Variants in DZANK1 observed in about 807,000 individuals in gnomAD.
DZANK1 encodes double zinc ribbon and ankyrin repeat domains 1, also known as double zinc ribbon and ankyrin repeat-containing protein 1.
In DZANK1, 91 loss-of-function variants were observed where a neutral mutation model predicts 94.5. The observed-to-expected ratio is 0.96, with a 90% CI of 0.81 to 1.15. The LOEUF (loss-of-function observed/expected upper bound fraction) is 1.15, where lower values mean the gene tolerates loss of function less well. DZANK1 is among the 50% of genes most tolerant of loss of function. The pLI is 0.00. For synonymous variants in DZANK1, 312 were observed against 325.3 expected (o/e 0.96, Z 0.44); for missense variants, 903 against 916.4 (o/e 0.99, Z 0.19).
intron 10 of DZANK1, among the ~76,000 whole-genome samples, chr20:18,417,034 CAA>C (rs55889297): frequency 1.4e-5 from 2 of 139,930 alleles, no homozygotes; most frequent in African/African-American, 5.3e-5. Flanking sequence ...CAAAAAAAAA[CAA>C]AAAAAAAAAA....
chr20:18,437,613 AAAG>A (rs1403578033), intron 8 of DZANK1, among the ~76,000 whole-genome samples: 4 of 150,600 alleles, frequency 2.7e-5, no homozygotes, highest in Admixed American at 1.3e-4. Flanking sequence ...AAGAAAAGAA[AAAG>A]AAAGAGGAAA....
At chr20:18,465,129 A>C in intron 2 of DZANK1, 121 bp downstream of exon 2, 1 of 646,496 alleles carries the variant, frequency 1.5e-6, no homozygotes, top group Non-Finnish European at 2.6e-6. Context: ...GAAGTTTTAC[A>C]AATTTCCCAA....
intron 12 of DZANK1, chr20:18,413,063 T>C (rs2057333088): frequency 5.0e-6 from 3 of 594,170 alleles, no homozygotes; most frequent in Non-Finnish European, 8.8e-6. Flanking sequence ...CCATTTATTA[T>C]CTAAAAGTCA....
chr20:18,434,647 GAAGTTCCT>G (rs1333418175), intron 8 of DZANK1, among the ~76,000 whole-genome samples: 1 of 150,532 alleles, frequency 6.6e-6, no homozygotes. Context: ...ATAACAAACA[GAAGTTCCT>G]AAAAATGACT....
chr20:18,455,454 T>G (rs2059254393), intron 3 of DZANK1, 93 bp from the exon 4 acceptor site: 1 of 776,014 alleles, frequency 1.3e-6, no homozygotes, highest in East Asian at 2.7e-5. Flanking sequence ...AGTGCCTTAG[T>G]CTAGCTACTA....
rs769972152 is a variant in DZANK1 at position 18,460,341 on chromosome 20, A to G, written c.110-35T>C. 65 of 1,453,020 alleles carry G rather than the reference A, an allele frequency of 4.5e-5. 1 individual carries two copies. The highest frequency in any genetic ancestry group is 5.8e-5 in the Non-Finnish European group (62 of 1,078,172). 90.0% of individuals were successfully genotyped at this position (1,453,020 alleles called of 1,614,324 possible). On this transcript the variant is annotated intron_variant, in intron 2 of 20. Transcript: ENST00000262547. ...CCAAAACAGGATAACTATAATTAAC[A>G]CCAAAGTAGCAAGTCCCTGAATAAT... is the stretch of plus-strand genomic sequence containing the variant.
intron 13 of DZANK1, among the ~76,000 whole-genome samples, chr20:18,401,991 C>T (rs759423018): frequency 2.0e-5 from 3 of 152,112 alleles, no homozygotes; most frequent in Non-Finnish European, 4.4e-5. Flanking sequence ...AGGTCTGATA[C>T]CACATTTATA....
At chr20:18,460,080 GA>G in intron 3 of DZANK1, 72 bp downstream of exon 3, 1 of 1,153,990 alleles carries the variant, frequency 8.7e-7, no homozygotes, top group East Asian at 2.7e-5. Context: ...ATTCTGATAG[GA>G]AAAAATGAAT....
chr20:18,421,040 C>A, intron 10 of DZANK1: 2 of 172,632 alleles, frequency 1.2e-5, no homozygotes, highest in South Asian at 3.0e-4. Context: ...TGGAGCCTGT[C>A]AAGCGTTTCA....
At chr20:18,394,717 A>C (rs1346344053) in intron 15 of DZANK1, 1 of 488,826 alleles carries the variant, frequency 2.0e-6, no homozygotes, top group Non-Finnish European at 4.1e-6. Flanking sequence ...CTCTGCTTAA[A>C]GTCCTTCAAT....
intron 14 of DZANK1, among the ~76,000 whole-genome samples, chr20:18,397,502 G>T (rs1490856046): frequency 6.6e-6 from 1 of 151,804 alleles, no homozygotes; most frequent in African/African-American, 2.4e-5. Flanking sequence ...TCTTGGGCAG[G>T]TCACCAAACC....
At chr20:18,421,881 TC>T (rs1391224938) in intron 10 of DZANK1, among the ~76,000 whole-genome samples, 2 of 152,110 alleles carry the variant, frequency 1.3e-5, no homozygotes, top group Middle Eastern at 3.2e-3. Flanking sequence ...GCAGGACTGC[TC>T]CCTTTGCCCA....
At chr20:18,461,039 A>T (rs1057384885) in intron 2 of DZANK1, among the ~76,000 whole-genome samples, 1 of 152,224 alleles carries the variant, frequency 6.6e-6, no homozygotes, top group Non-Finnish European at 1.5e-5. Context: ...TTGAACCACT[A>T]TGCTCTTTTG....
At chr20:18,443,422 A>C in exon 8 of DZANK1, 1 of 1,520,264 alleles carries the variant, frequency 6.6e-7, no homozygotes, top group Non-Finnish European at 8.8e-7. Flanking sequence ...GACAGAAGCG[A>C]GCAAAGGGAT....
At chr20:18,412,851 G>A (rs1278563592) in intron 12 of DZANK1, 2 of 1,613,404 alleles carry the variant, frequency 1.2e-6, no homozygotes, top group Admixed American at 3.3e-5. Flanking sequence ...AGGCACATCG[G>A]GGCCATGCGT....
chr20:18,453,755 T>C, exon 5 of DZANK1: 1 of 1,612,804 alleles, frequency 6.2e-7, no homozygotes, highest in Non-Finnish European at 8.5e-7. Context: ...AGGTTAACAT[T>C]CCAGCTGCGT....
At position 18,463,915 on chromosome 20, in the gene DZANK1, T is replaced by C. The variant is rs79718130; in HGVS notation, c.109+1335A>G. The stretch of plus-strand genomic sequence containing the variant: ...GGAATTTCAAAGTCTTTTTTACACA[T>C]CTATTTGTTCATATGTTTTACCTGT... On this transcript the variant is annotated intron_variant, in intron 2 of 20. Transcript: ENST00000262547. Among the ~76,000 whole-genome samples, 900 of 152,292 alleles carry C rather than the reference T, an allele frequency of 5.9e-3. 6 individuals are homozygous for C. The highest frequency in any genetic ancestry group is 0.021 in the African/African-American group (870 of 41,560).
At chr20:18,451,595 T>G (rs1333776786) in intron 6 of DZANK1, among the ~76,000 whole-genome samples, 1 of 152,098 alleles carries the variant, frequency 6.6e-6, no homozygotes, top group Admixed American at 6.6e-5. Context: ...AGCTCTGACC[T>G]CTCCCATATG....
chr20:18,459,542 G>C (rs1176568282), intron 3 of DZANK1, among the ~76,000 whole-genome samples: 1 of 152,112 alleles, frequency 6.6e-6, no homozygotes, highest in Admixed American at 6.5e-5. Context: ...CAGCCACACA[G>C]AATTGCAAGG....
Sources: allele counts gnomAD v4.1 joint callset (sites outside exome capture counted in the v4.1 genomes callset), GRCh38; gene constraint gnomAD v4.1.1; transcripts MANE v1.5; gene names NCBI Gene and HGNC (gene_info 2026-07-23, HGNC 2026-07-21).